The following GRIK2 variants were observed in gnomAD, a reference collection of about 807,000 sequenced individuals.
GRIK2 encodes the protein glutamate ionotropic receptor kainate type subunit 2, also known as glutamate receptor ionotropic, kainate 2.
GRIK2 carries 32 observed loss-of-function variants against 100.3 expected under a neutral mutation model. That is an observed-to-expected ratio of 0.32 (90% CI 0.24 to 0.43). The LOEUF (loss-of-function observed/expected upper bound fraction) is 0.43, where lower values mean the gene tolerates loss of function less well. Among genes scored for constraint, GRIK2 ranks in the 20% least tolerant of loss-of-function variants. The probability of loss-of-function intolerance (pLI) is 1.00; values close to 1 mark genes in which losing one functional copy is unlikely to be tolerated. For synonymous variants in GRIK2, 417 were observed against 389.4 expected (o/e 1.07, Z -0.83); for missense variants, 843 against 1,114.9 (o/e 0.76, Z 3.47).
At chr6:101,847,477 A>C (rs948158675) in intron 10 of GRIK2, among the ~76,000 whole-genome samples, 2 of 151,724 alleles carry the variant, frequency 1.3e-5, no homozygotes, top group East Asian at 1.9e-4. Context: ...AATTTTGTAA[A>C]GTCTGTATTT....
intron 4 of GRIK2, among the ~76,000 whole-genome samples, 200 bp downstream of exon 4, chr6:101,626,837 T>A (rs1326688797): frequency 1.3e-5 from 2 of 152,136 alleles, no homozygotes. Context: ...ACTTCTTCTC[T>A]GTATTTGTAA....
intron 2 of GRIK2, among the ~76,000 whole-genome samples, chr6:101,457,375 T>C (rs1223325720): frequency 6.6e-6 from 1 of 152,142 alleles, no homozygotes; most frequent in Non-Finnish European, 1.5e-5. Flanking sequence ...AGTGGTGTAA[T>C]TGCTTTTGAA....
chr6:101,692,067 A>AAAAAAAAG (rs1772146800), intron 7 of GRIK2, among the ~76,000 whole-genome samples: 2 of 145,408 alleles, frequency 1.4e-5, no homozygotes, highest in African/African-American at 5.2e-5. Context: ...AAAAAAAAAA[A>AAAAAAAAG]GCAATGGAAA....
rs977272005 is a variant in GRIK2, at chr6:101,886,822, T to A, written c.1525-2818T>A. ...GTAACCACCATTCTTCTTTCTACCT[T>A]TTTTTTTTTTTTTTTTTTTTTGGAG... On this transcript the variant is annotated intron_variant, in intron 11 of 16. Coordinates refer to ENST00000369134, the MANE Select transcript of GRIK2 (RefSeq NM_021956.5). Among the ~76,000 whole-genome samples, 5 of 10,456 alleles carry A rather than the reference T, an allele frequency of 4.8e-4. No homozygotes were observed. In the South Asian group the frequency reaches 0.04, roughly 84 times the overall value. The allele number at this position is 10,456 out of a possible 152,430, so 6.9% of individuals were successfully genotyped here. A position where few individuals can be genotyped will look rare whatever the true frequency, so the allele number is the denominator to read the frequency against.
intron 2 of GRIK2, among the ~76,000 whole-genome samples, chr6:101,429,613 A>C (rs745797587): frequency 3.9e-5 from 6 of 152,136 alleles, no homozygotes; most frequent in Non-Finnish European, 7.3e-5. Context: ...AGCCATAAAG[A>C]GGTCTCTGGC....
intron 12 of GRIK2, among the ~76,000 whole-genome samples, chr6:101,922,210 G>T (rs1021824796): frequency 6.1e-5 from 9 of 147,154 alleles, no homozygotes; most frequent in African/African-American, 2.2e-4. Context: ...TGAGAAAATA[G>T]AAAATAAATT....
intron 2 of GRIK2, among the ~76,000 whole-genome samples, chr6:101,564,241 A>G (rs561962449): frequency 6.4e-4 from 97 of 152,286 alleles, no homozygotes; most frequent in Non-Finnish European, 1.0e-3. Context: ...TCCACTAACA[A>G]TGACCCCCAG....
intron 2 of GRIK2, among the ~76,000 whole-genome samples, chr6:101,586,690 A>G (rs986200779): frequency 6.6e-6 from 1 of 151,598 alleles, no homozygotes; most frequent in African/African-American, 2.4e-5. Context: ...CCAATATGGC[A>G]AAACCCCATC....
intron 10 of GRIK2, among the ~76,000 whole-genome samples, chr6:101,843,875 T>C (rs897040803): frequency 1.3e-5 from 2 of 152,220 alleles, no homozygotes; most frequent in African/African-American, 4.8e-5. Context: ...TCAAAGGCTA[T>C]TTCCTTGTGA....
chr6:101,858,971 A>G (rs1327338065), intron 10 of GRIK2, among the ~76,000 whole-genome samples: 1 of 151,946 alleles, frequency 6.6e-6, no homozygotes, highest in East Asian at 1.9e-4. Context: ...ATTATATAGC[A>G]TATATTACAT....
chr6:101,514,453 G>A (rs1457468526), intron 2 of GRIK2, among the ~76,000 whole-genome samples: 1 of 152,194 alleles, frequency 6.6e-6, no homozygotes, highest in Non-Finnish European at 1.5e-5. Flanking sequence ...ATCCAGAGCC[G>A]AAAGAGGAGG....
chr6:101,813,411 C>T lies in GRIK2; in HGVS notation c.1204-4959C>T, dbSNP rs941881686. ...AGCAAAAATACCTTTAAGTCTGCAA[C>T]CATAAAAGTATGTCACATAATTATC... On this transcript the variant is annotated intron_variant, in intron 9 of 16. Coordinates refer to ENST00000369134, the MANE Select transcript of GRIK2 (RefSeq NM_021956.5). Among the ~76,000 whole-genome samples the T allele has an allele frequency of 2.6e-5, 4 of 151,958 alleles. No individual in the cohort carries two copies. In the East Asian group the frequency reaches 7.7e-4, roughly 29 times the overall value.
At chr6:101,708,065 C>G (rs1004336296) in intron 7 of GRIK2, among the ~76,000 whole-genome samples, 3 of 151,560 alleles carry the variant, frequency 2.0e-5, no homozygotes, top group African/African-American at 7.3e-5. Context: ...GGGGATACAA[C>G]AGTAAATAAA....
chr6:101,853,128 G>A (rs543560846), intron 10 of GRIK2, among the ~76,000 whole-genome samples: 9 of 152,208 alleles, frequency 5.9e-5, no homozygotes, highest in East Asian at 3.9e-4. Flanking sequence ...ACGATATTAC[G>A]ATGTAGAAAG....
intron 7 of GRIK2, among the ~76,000 whole-genome samples, chr6:101,708,188 A>T (rs534617657): frequency 1.3e-5 from 2 of 151,816 alleles, no homozygotes; most frequent in African/African-American, 4.8e-5. Context: ...ATTTAACACT[A>T]TTAAATTCCT....
chr6:101,590,647 A>G (rs934197352), intron 2 of GRIK2, among the ~76,000 whole-genome samples: 2 of 151,872 alleles, frequency 1.3e-5, no homozygotes, highest in Non-Finnish European at 2.9e-5. Flanking sequence ...TATTTTTGTC[A>G]TCCTATGTGC....
At chr6:101,512,041 T>TAA (rs898659337) in intron 2 of GRIK2, among the ~76,000 whole-genome samples, 1 of 131,312 alleles carries the variant, frequency 7.6e-6, no homozygotes, top group African/African-American at 3.2e-5. Context: ...CCTCTATTTG[T>TAA]AAAAAAAGAT....
chr6:101,822,375 G>A (rs150944542), intron 10 of GRIK2, among the ~76,000 whole-genome samples: 2 of 151,834 alleles, frequency 1.3e-5, no homozygotes, highest in Admixed American at 1.3e-4. Flanking sequence ...CACAGTAGAA[G>A]AATAGACAGC....
intron 12 of GRIK2, among the ~76,000 whole-genome samples, chr6:101,910,227 A>T (rs1244148838): frequency 6.6e-6 from 1 of 151,216 alleles, no homozygotes; most frequent in Non-Finnish European, 1.5e-5. Context: ...TAAACAGTTT[A>T]GTCAGTTTTT....
Sources: gnomAD v4.1 joint callset for allele counts (sites outside exome capture counted in the v4.1 genomes callset) on GRCh38, gnomAD v4.1.1 for gene constraint, MANE v1.5 for transcripts, NCBI Gene and HGNC (gene_info 2026-07-23, HGNC 2026-07-21) for gene names.